Variants in ST8SIA4 observed in about 807,000 individuals in gnomAD.
ST8SIA4 encodes CMP-N-acetylneuraminate-poly-alpha-2,8-sialyltransferase.
ST8SIA4 carries 15 observed loss-of-function variants against 33.9 expected under a neutral mutation model. That is an observed-to-expected ratio of 0.44 (90% CI 0.30 to 0.68). The LOEUF (loss-of-function observed/expected upper bound fraction) is 0.68. Ranked by LOEUF, ST8SIA4 falls within the 30% of genes least tolerant of loss-of-function variation. The probability of loss-of-function intolerance (pLI) is 0.10; values close to 1 mark genes in which losing one functional copy is unlikely to be tolerated. For missense variants in ST8SIA4, 321 were observed against 428.0 expected (o/e 0.75, Z 2.21); for synonymous variants, 171 against 151.2 (o/e 1.13, Z -0.96).
intron 4 of ST8SIA4, among the ~76,000 whole-genome samples, chr5:100,829,105 A>G (rs956040612): frequency 6.6e-6 from 1 of 152,162 alleles, no homozygotes; most frequent in Non-Finnish European, 1.5e-5. Flanking sequence ...TGCGCATAGG[A>G]GCATCAGTGT....
chr5:100,886,512 G>T lies in ST8SIA4; in HGVS notation c.334C>A (p.Leu112Ile). Residue 112 changes from leucine (L) to isoleucine (I), a missense_variant, in exon 3 of 5, where the codon CTT becomes ATT. Physicochemically the swap from Leu to Ile is conservative, Grantham distance 5. Transcript: ENST00000231461. The part of the protein sequence containing the change: ...FKPGDVIHYV[L>I]DRRRTLNISH... The stretch of plus-strand genomic sequence containing the variant: ...ATGTTTAGTGTCCGGCGCCTGTCAA[G>T]CACATAGTGTATGACATCACCAGGC... 6.2e-7 allele frequency: 1 copy of T among 1,613,796 alleles called. No homozygotes were observed. Among genetic ancestry groups the T allele is most frequent in the Non-Finnish European group, 8.5e-7 (1 of 1,179,746 alleles).
intron 3 of ST8SIA4, among the ~76,000 whole-genome samples, chr5:100,871,320 T>TC (rs1046892343): frequency 6.6e-6 from 1 of 152,064 alleles, no homozygotes; most frequent in African/African-American, 2.4e-5. Flanking sequence ...AGTCAATTCC[T>TC]CCATCCTTTT....
At chr5:100,873,768 A>C (rs1405425266) in intron 3 of ST8SIA4, among the ~76,000 whole-genome samples, 5 of 152,170 alleles carry the variant, frequency 3.3e-5, no homozygotes, top group African/African-American at 1.2e-4. Context: ...GGAGCGATGG[A>C]ATGAGACTTT....
chr5:100,897,735 G>A (rs1752811213), intron 1 of ST8SIA4, among the ~76,000 whole-genome samples: 1 of 152,116 alleles, frequency 6.6e-6, no homozygotes, highest in African/African-American at 2.4e-5. Flanking sequence ...TACTCCCTGT[G>A]AAATTCATAA....
At chr5:100,892,306 T>C (rs1332767439) in intron 2 of ST8SIA4, among the ~76,000 whole-genome samples, 1 of 152,200 alleles carries the variant, frequency 6.6e-6, no homozygotes, top group African/African-American at 2.4e-5. Context: ...AAATGTGTTA[T>C]TTCTTAGCTT....
At position 100,811,742 on chromosome 5, in the gene ST8SIA4, G is replaced by A. The variant is rs1561381241; in HGVS notation, c.*105C>T. On this transcript the variant is annotated 3_prime_UTR_variant, in exon 5 of 5. Transcript: ENST00000231461. ...ATGAACGTCCTTTATTCACCTTTCAGTTCATTGGTGGATGCTGAAACCCAG... is the reference window on the plus strand; with the variant it reads ...ATGAACGTCCTTTATTCACCTTTCAATTCATTGGTGGATGCTGAAACCCAG... 1.7e-6 allele frequency: 2 copies of A among 1,164,118 alleles called. No homozygotes were observed. The highest frequency in any genetic ancestry group is 4.9e-5 in the East Asian group (2 of 40,908). The allele number at this position is 1,164,118 out of a possible 1,614,324, so 72.1% of individuals were successfully genotyped here.
chr5:100,841,582 C>G (rs1284707286), intron 4 of ST8SIA4, among the ~76,000 whole-genome samples: 1 of 151,838 alleles, frequency 6.6e-6, no homozygotes, highest in Non-Finnish European at 1.5e-5. Context: ...CCCTCCCATC[C>G]TGTGGAGTGC....
chr5:100,860,721 G>A (rs1379212512), intron 3 of ST8SIA4, among the ~76,000 whole-genome samples: 1 of 152,144 alleles, frequency 6.6e-6, no homozygotes, highest in Non-Finnish European at 1.5e-5. Context: ...ATCATTCCAG[G>A]ACAGGAGTTT....
At chr5:100,838,637 C>A (rs1751410890) in intron 4 of ST8SIA4, among the ~76,000 whole-genome samples, 1 of 140,112 alleles carries the variant, frequency 7.1e-6, no homozygotes, top group African/African-American at 2.4e-5. Context: ...AATTAAATAT[C>A]AAATTAAAAG....
At chr5:100,855,151 T>G (rs1448394891) in intron 4 of ST8SIA4, among the ~76,000 whole-genome samples, 1 of 152,202 alleles carries the variant, frequency 6.6e-6, no homozygotes, top group African/African-American at 2.4e-5. Context: ...CCTGGTACCC[T>G]CTAATAATGC....
At chr5:100,826,832 G>A (rs1751158191) in intron 4 of ST8SIA4, among the ~76,000 whole-genome samples, 1 of 151,624 alleles carries the variant, frequency 6.6e-6, no homozygotes, top group South Asian at 2.1e-4. Flanking sequence ...ATAGTTATAT[G>A]TTGTATATTA....
At chr5:100,844,427 G>T (rs547402307) in intron 4 of ST8SIA4, among the ~76,000 whole-genome samples, 9 of 151,944 alleles carry the variant, frequency 5.9e-5, no homozygotes, top group Admixed American at 2.0e-4. Flanking sequence ...GCAGAATAGT[G>T]GGGAACATAG....
rs1022934486 is a variant in ST8SIA4, at chr5:100,810,659, T to C, written c.*1188A>G. On this transcript the variant is annotated 3_prime_UTR_variant, in exon 5 of 5. Coordinates refer to ENST00000231461, the MANE Select transcript of ST8SIA4 (RefSeq NM_005668.6). ...TAGCAAAATAATATATTCATGTTAA[T>C]AATATATTATTTTCATGAAAGAAAA... 1 of 152,590 alleles carries C rather than the reference T, an allele frequency of 6.6e-6. No individual in the cohort carries two copies. The highest frequency in any genetic ancestry group is 1.5e-5 in the Non-Finnish European group (1 of 68,042). 9.5% of individuals were successfully genotyped at this position (152,590 alleles called of 1,614,324 possible).
At chr5:100,855,886 C>T (rs1373368800) in intron 4 of ST8SIA4, among the ~76,000 whole-genome samples, 2 of 152,008 alleles carry the variant, frequency 1.3e-5, no homozygotes, top group African/African-American at 2.4e-5. Flanking sequence ...TAAATAAGTG[C>T]CAGGTTCAAC....
In ST8SIA4 at chr5:100,812,141, A is replaced by G. The variant is rs996922209; in HGVS notation, c.798-12T>C. Reference sequence around the variant, plus strand: ...TGGTCAGCCAGTAACTGGAAAAACAAAAAACAAAATCAAGAAGAGAAGAAT... The same window carrying G: ...TGGTCAGCCAGTAACTGGAAAAACAGAAAACAAAATCAAGAAGAGAAGAAT... On this transcript the variant is annotated splice_polypyrimidine_tract_variant and intron_variant, in intron 4 of 4. Transcript: ENST00000231461. The G allele has an allele frequency of 3.1e-6, 5 of 1,600,160 alleles. No individual in the cohort carries two copies. The highest frequency in any genetic ancestry group is 2.7e-5 in the African/African-American group (2 of 73,890).
chr5:100,878,797 A>G (rs1752356753), intron 3 of ST8SIA4, among the ~76,000 whole-genome samples: 1 of 152,190 alleles, frequency 6.6e-6, no homozygotes, highest in Admixed American at 6.5e-5. Flanking sequence ...GTTTTTCTGT[A>G]GATATTGTTT....
rs1263499864 is a variant in ST8SIA4, at chr5:100,809,260, GGCC to G, written c.*2584_*2586del. The G allele has an allele frequency of 6.6e-6, 1 of 152,196 alleles. No homozygotes were observed. The highest frequency in any genetic ancestry group is 2.4e-5 in the African/African-American group (1 of 41,484). 9.4% of individuals were successfully genotyped at this position (152,196 alleles called of 1,614,324 possible). A position where few individuals can be genotyped will look rare whatever the true frequency, so the allele number is the denominator to read the frequency against. On this transcript the variant is annotated 3_prime_UTR_variant, in exon 5 of 5. Transcript: ENST00000231461. The stretch of plus-strand genomic sequence containing the variant: ...AGGTCAGGAAGTTCAAGACCAGCCT[GGCC>G]AACATGGTGAAACTTTGTCTCTACT...
At chr5:100,844,355 A>G (rs1185271424) in intron 4 of ST8SIA4, among the ~76,000 whole-genome samples, 1 of 151,960 alleles carries the variant, frequency 6.6e-6, no homozygotes, top group African/African-American at 2.4e-5. Context: ...TCAATCATAA[A>G]TGTACTATCT....
chr5:100,882,207 T>A (rs1752441810), intron 3 of ST8SIA4, among the ~76,000 whole-genome samples: 2 of 152,328 alleles, frequency 1.3e-5, no homozygotes, highest in African/African-American at 4.8e-5. Flanking sequence ...AGGTTCAGGC[T>A]GAGGTGGTCT....
Sources: gnomAD v4.1 joint callset for allele counts (sites outside exome capture counted in the v4.1 genomes callset) on GRCh38, gnomAD v4.1.1 for gene constraint, MANE v1.5 for transcripts, NCBI Gene and HGNC (gene_info 2026-07-23, HGNC 2026-07-21) for gene names.